The following GXYLT1 variants were observed in gnomAD, a reference collection of about 807,000 sequenced individuals.
The protein encoded by GXYLT1 is glycosyltransferase 8 domain containing 3.
A neutral mutation model predicts 54.0 loss-of-function variants in GXYLT1; 29 were observed. The ratio of observed to expected loss-of-function variants is 0.54; its 90% CI spans 0.40 to 0.73. The LOEUF is 0.73. Among genes scored for constraint, GXYLT1 ranks in the 30% least tolerant of loss-of-function variants. The pLI is 0.00. For synonymous variants in GXYLT1, 176 were observed against 204.1 expected, an observed-to-expected ratio of 0.86 and a Z score of 1.17; for missense variants, 490 against 553.4, an observed-to-expected ratio of 0.89 and a Z score of 1.15.
chr12:42,086,108 A>G lies in GXYLT1; in HGVS notation c.*1678T>C, dbSNP rs1565562636. 1.3e-5 allele frequency: 2 copies of G among 152,252 alleles called. No individual in the cohort carries two copies. The highest frequency in any genetic ancestry group is 6.5e-5 in the Admixed American group (1 of 15,284). The allele number at this position is 152,252 out of a possible 1,614,324, so 9.4% of individuals were successfully genotyped here. A position where few individuals can be genotyped will look rare whatever the true frequency, so the allele number is the denominator to read the frequency against. On this transcript the variant is annotated 3_prime_UTR_variant, in exon 8 of 8. Transcript: ENST00000398675. The stretch of plus-strand genomic sequence containing the variant: ...ATGATCATTATTTGAGGACCATTAG[A>G]AATGATCTAATACATACCCTCCAAA...
chr12:42,109,523 T>TA (rs201861073), intron 4 of GXYLT1, 43 bp downstream of exon 4: 37,583 of 1,127,286 alleles, frequency 0.033, 22 homozygotes, highest in African/African-American at 0.043. Context: ...GGTTCAAATT[T>TA]AAAAAAAAAA....
intron 1 of GXYLT1, among the ~76,000 whole-genome samples, chr12:42,135,272 A>G (rs994977334): frequency 1.3e-5 from 2 of 152,250 alleles, no homozygotes; most frequent in African/African-American, 4.8e-5. Flanking sequence ...AGATATATCA[A>G]GCAAAGTCAT....
chr12:42,097,679 A>T, intron 6 of GXYLT1, 65 bp from the exon 7 acceptor site: 2 of 1,397,970 alleles, frequency 1.4e-6, no homozygotes, highest in Non-Finnish European at 2.0e-6. Context: ...AACATTATGC[A>T]AAACTTTCAG....
rs539180582 is a variant in GXYLT1, at chr12:42,082,013, T to A, written c.*5773A>T. ...ATTTTATATTCTCCTTTAATAACTG[T>A]CAAAATACACCAAATACTTAGAGGA... On this transcript the variant is annotated 3_prime_UTR_variant, in exon 8 of 8. Transcript: ENST00000398675. 9 of 152,254 alleles carry A rather than the reference T, an allele frequency of 5.9e-5. No individual in the cohort carries two copies. The highest frequency in any genetic ancestry group is 2.2e-4 in the African/African-American group (9 of 41,558). 9.4% of individuals were successfully genotyped at this position (152,254 alleles called of 1,614,324 possible). A position where few individuals can be genotyped will look rare whatever the true frequency, so the allele number is the denominator to read the frequency against.
At chr12:42,091,831 T>C (rs2065330836) in intron 7 of GXYLT1, among the ~76,000 whole-genome samples, 1 of 152,220 alleles carries the variant, frequency 6.6e-6, no homozygotes, top group East Asian at 1.9e-4. Flanking sequence ...ATCATCACCT[T>C]AACATGGCAT....
intron 1 of GXYLT1, among the ~76,000 whole-genome samples, chr12:42,130,621 CTG>C (rs1330286084): frequency 1.3e-5 from 2 of 152,182 alleles, no homozygotes; most frequent in African/African-American, 4.8e-5. Flanking sequence ...AACCCCACTG[CTG>C]TGTGTATATA....
Position 42,101,324 on chromosome 12 carries a change from G to A in GXYLT1, c.865-3291C>T, listed in dbSNP as rs6582380. Among the ~76,000 whole-genome samples, 695 of 152,066 alleles carry A rather than the reference G, an allele frequency of 4.6e-3. 8 individuals are homozygous for A. The highest frequency in any genetic ancestry group is 0.016 in the African/African-American group (679 of 41,494). On this transcript the variant is annotated intron_variant, in intron 5 of 7. Coordinates refer to ENST00000398675, the MANE Select transcript of GXYLT1 (RefSeq NM_173601.2). The stretch of plus-strand genomic sequence containing the variant: ...ATAAGAAAAGATTTTTAACCACACC[G>A]GTAGTATAGTCAAGAAAATATGAAT...
intron 2 of GXYLT1, among the ~76,000 whole-genome samples, chr12:42,125,126 T>C (rs760949333): frequency 1.1e-4 from 17 of 152,240 alleles, no homozygotes; most frequent in Admixed American, 7.9e-4. Flanking sequence ...GAGACTATAA[T>C]TGTTTGGGAA....
chr12:42,115,172 T>C (rs1289943862), intron 3 of GXYLT1, among the ~76,000 whole-genome samples: 1 of 152,110 alleles, frequency 6.6e-6, no homozygotes, highest in Non-Finnish European at 1.5e-5. Context: ...ACAGCTAATA[T>C]CATACTGAAT....
intron 7 of GXYLT1, among the ~76,000 whole-genome samples, chr12:42,095,667 C>G (rs1438233966): frequency 6.6e-6 from 1 of 152,132 alleles, no homozygotes; most frequent in East Asian, 1.9e-4. Flanking sequence ...CAGGTTACAT[C>G]TGAGTAAACC....
intron 2 of GXYLT1, among the ~76,000 whole-genome samples, chr12:42,123,225 T>A (rs1292680759): frequency 6.6e-6 from 1 of 152,066 alleles, no homozygotes; most frequent in African/African-American, 2.4e-5. Flanking sequence ...AAAATAGGAA[T>A]AGGAATATAT....
intron 1 of GXYLT1, among the ~76,000 whole-genome samples, chr12:42,138,631 T>C (rs1565582781): frequency 6.6e-6 from 1 of 152,196 alleles, no homozygotes; most frequent in African/African-American, 2.4e-5. Flanking sequence ...ACAAAAATCA[T>C]AAACCTCATA....
intron 1 of GXYLT1, among the ~76,000 whole-genome samples, chr12:42,142,395 G>A (rs7305651): frequency 0.025 from 3,676 of 149,698 alleles, 155 homozygotes; most frequent in African/African-American, 0.085. Context: ...GGATTACACT[G>A]GTGCAATCAT....
At chr12:42,114,065 T>C (rs913976933) in intron 3 of GXYLT1, among the ~76,000 whole-genome samples, 4 of 152,192 alleles carry the variant, frequency 2.6e-5, no homozygotes, top group Non-Finnish European at 5.9e-5. Context: ...GAAATAAACA[T>C]GTTCTTTGAA....
Position 42,086,204 on chromosome 12 carries a change from C to T in GXYLT1, c.*1582G>A, listed in dbSNP as rs1354954998. The T allele has an allele frequency of 6.6e-6, 1 of 152,204 alleles. No individual in the cohort carries two copies. Among genetic ancestry groups the T allele is most frequent in the Non-Finnish European group, 1.5e-5 (1 of 68,058 alleles). 9.4% of individuals were successfully genotyped at this position (152,204 alleles called of 1,614,324 possible). ...TCACAGTTTCTTATATTCACCATGG[C>T]ATTCTGCCAAGGAACTACAACTCGT... On this transcript the variant is annotated 3_prime_UTR_variant, in exon 8 of 8. Transcript: ENST00000398675.
At chr12:42,139,185 G>C (rs2065638023) in intron 1 of GXYLT1, among the ~76,000 whole-genome samples, 1 of 151,696 alleles carries the variant, frequency 6.6e-6, no homozygotes, top group Non-Finnish European at 1.5e-5. Flanking sequence ...GTAACAGAGT[G>C]AAACCTTGTC....
chr12:42,112,072 C>A (rs2065460860), intron 3 of GXYLT1, among the ~76,000 whole-genome samples: 1 of 150,198 alleles, frequency 6.7e-6, no homozygotes, highest in Non-Finnish European at 1.5e-5. Flanking sequence ...AACAGACCTG[C>A]AGCTGAGGGT....
chr12:42,120,643 A>G (rs1198344348), intron 2 of GXYLT1, among the ~76,000 whole-genome samples: 1 of 151,900 alleles, frequency 6.6e-6, no homozygotes, highest in Admixed American at 6.6e-5. Context: ...CCATCTTCCC[A>G]TCTCAGCCTC....
At chr12:42,114,602 G>C (rs1187475584) in intron 3 of GXYLT1, among the ~76,000 whole-genome samples, 1 of 152,104 alleles carries the variant, frequency 6.6e-6, no homozygotes, top group African/African-American at 2.4e-5. Context: ...TCTCTGAATA[G>C]ACCAACAACA....
Sources: allele counts gnomAD v4.1 joint callset (sites outside exome capture counted in the v4.1 genomes callset), GRCh38; gene constraint gnomAD v4.1.1; transcripts MANE v1.5; gene names NCBI Gene and HGNC (gene_info 2026-07-23, HGNC 2026-07-21).